The following TSPEAR variants were observed in gnomAD, a reference collection of about 807,000 sequenced individuals.
The protein encoded by TSPEAR is thrombospondin-type laminin G domain and EAR repeat-containing protein.
A neutral mutation model predicts 71.6 loss-of-function variants in TSPEAR; 69 were observed. The ratio of observed to expected loss-of-function variants is 0.96; its 90% confidence interval spans 0.79 to 1.18. The LOEUF is 1.18. TSPEAR is among the 50% of genes most tolerant of loss of function. The probability of loss-of-function intolerance (pLI) is 0.00; values close to 1 mark genes in which losing one functional copy is unlikely to be tolerated. For missense variants in TSPEAR, 971 were observed against 894.9 expected (o/e 1.09, Z -1.09); for synonymous variants, 402 against 387.2 (o/e 1.04, Z -0.45).
At position 44,612,294 on chromosome 21, in the gene TSPEAR, GC is replaced by G. The variant is rs1555931231; in HGVS notation, c.83-44290del. ...GCCTCCAGCTGCTGTACCCCTAGCT[GC>G]TGTGCCCCAGCCCCCTGCCTGGCCC... On this transcript the variant is annotated intron_variant, in intron 1 of 11. Transcript: ENST00000323084. This position sits in a 1 kb window ranked among gnomAD's most constrained non-coding sequence, Gnocchi z 4.1. The G allele has an allele frequency of 6.2e-7, 1 of 1,613,520 alleles. No homozygotes were observed. Among genetic ancestry groups the G allele is most frequent in the Non-Finnish European group, 8.5e-7 (1 of 1,179,992 alleles).
chr21:44,577,962 A>G (rs1051233695), intron 1 of TSPEAR, among the ~76,000 whole-genome samples: 10 of 152,144 alleles, frequency 6.6e-5, no homozygotes, highest in African/African-American at 2.4e-4. Context: ...TGTTCTCATG[A>G]TAGTAAGTAA....
chr21:44,531,919 C>T (rs117913707), intron 3 of TSPEAR, among the ~76,000 whole-genome samples: 50 of 152,348 alleles, frequency 3.3e-4, no homozygotes, highest in East Asian at 2.9e-3. Context: ...GGGGTGCCTT[C>T]GGGCTCGCCT....
At chr21:44,683,562 G>A (rs545714105) in intron 1 of TSPEAR, among the ~76,000 whole-genome samples, 33 of 152,206 alleles carry the variant, frequency 2.2e-4, no homozygotes, top group African/African-American at 7.5e-4. Context: ...CCAGCTACAC[G>A]GTAGGTTGAG....
intron 1 of TSPEAR, chr21:44,658,316 G>A (rs782163697): frequency 1.3e-6 from 2 of 1,572,592 alleles, no homozygotes; most frequent in Non-Finnish European, 1.7e-6. Flanking sequence ...ATCCCTCCGT[G>A]AATAAGCATC....
At chr21:44,638,086 G>T (rs138909294) in intron 1 of TSPEAR, 14 of 1,613,322 alleles carry the variant, frequency 8.7e-6, no homozygotes, top group African/African-American at 6.7e-5. Flanking sequence ...GCTGCCGCAC[G>T]GCCTCCTGTG....
intron 1 of TSPEAR, among the ~76,000 whole-genome samples, chr21:44,634,625 T>C (rs1197563180): frequency 6.6e-6 from 1 of 152,218 alleles, no homozygotes; most frequent in Non-Finnish European, 1.5e-5. Context: ...AGAACTCTTA[T>C]AATTCAACAA....
rs1978770874 is a variant in TSPEAR, at chr21:44,579,830, C to T, written c.83-11825G>A. 1.9e-6 allele frequency: 3 copies of T among 1,609,800 alleles called. No homozygotes were observed. The East Asian group carries it at 6.8e-5, about 36-fold the overall frequency. On this transcript the variant is annotated intron_variant, in intron 1 of 11. Coordinates refer to ENST00000323084, the MANE Select transcript of TSPEAR (RefSeq NM_144991.3). Reference sequence around the variant, plus strand: ...CACGCAGGAGGCCGGGCGGCAGCAGCTGGCCTGGTAGGAGGAGGCAGGGGC... The same window carrying T: ...CACGCAGGAGGCCGGGCGGCAGCAGTTGGCCTGGTAGGAGGAGGCAGGGGC...
At chr21:44,607,061 T>C in intron 1 of TSPEAR, among the ~76,000 whole-genome samples, 1 of 152,206 alleles carries the variant, frequency 6.6e-6, no homozygotes, top group East Asian at 1.9e-4. Flanking sequence ...ATGGTTATGT[T>C]AAGTAACTTG....
At chr21:44,656,836 CTT>C (rs1276774474) in intron 1 of TSPEAR, among the ~76,000 whole-genome samples, 10 of 152,132 alleles carry the variant, frequency 6.6e-5, no homozygotes, top group Non-Finnish European at 1.3e-4. Context: ...TCTCATATGT[CTT>C]TTCATTTTTC....
At chr21:44,532,834 C>T (rs1462200119) in intron 3 of TSPEAR, among the ~76,000 whole-genome samples, 1 of 152,198 alleles carries the variant, frequency 6.6e-6, no homozygotes, top group Non-Finnish European at 1.5e-5. Context: ...CTTCCAAAAG[C>T]CCCCATTGTG....
At chr21:44,699,856 C>T (rs377268948) in intron 1 of TSPEAR, among the ~76,000 whole-genome samples, 3 of 152,314 alleles carry the variant, frequency 2.0e-5, no homozygotes, top group East Asian at 3.9e-4. Flanking sequence ...GAGCTAGCGT[C>T]TTCCTCCAAA....
At position 44,533,665 on chromosome 21, in the gene TSPEAR, C is replaced by G. The variant is rs781976873; in HGVS notation, c.542+20G>C. On this transcript the variant is annotated intron_variant, in intron 3 of 11. Transcript: ENST00000323084. ...GGACTCTGAGGACTGCAGGTGCACC[C>G]TCCCCGGGTGGGTACCTACATGTCC... 2.5e-6 allele frequency: 4 copies of G among 1,590,574 alleles called. No individual in the cohort carries two copies. Among genetic ancestry groups the G allele is most frequent in the Non-Finnish European group, 3.4e-6 (4 of 1,165,816 alleles).
At chr21:44,531,173 T>C in intron 3 of TSPEAR, 40 bp from the exon 4 acceptor site, 1 of 1,535,620 alleles carries the variant, frequency 6.5e-7, no homozygotes, top group Non-Finnish European at 9.0e-7. Context: ...CATAGGAGAG[T>C]GGTCACCCCA....
intron 1 of TSPEAR, among the ~76,000 whole-genome samples, chr21:44,675,308 G>A (rs1419236081): frequency 1.3e-5 from 2 of 152,086 alleles, no homozygotes; most frequent in African/African-American, 4.8e-5. Flanking sequence ...CACATTAACA[G>A]AATGAAGGAC....
At chr21:44,600,146 A>C (rs1277433340) in intron 1 of TSPEAR, among the ~76,000 whole-genome samples, 1 of 152,120 alleles carries the variant, frequency 6.6e-6, no homozygotes, top group Non-Finnish European at 1.5e-5. Context: ...TTCCACCCTC[A>C]TGCCATCATT....
rs587685363 is a variant in TSPEAR, at chr21:44,546,219, T to C, written c.304-12296A>G. ...TAAACACACAAACTACCGACATGGC[T>C]ACCTTTCCTTCATATGGCTCCAGGT... On this transcript the variant is annotated intron_variant, in intron 2 of 11. Transcript: ENST00000323084. The surrounding 1 kb of genome is among the most constrained non-coding windows in gnomAD (Gnocchi z 4.4). Among the ~76,000 whole-genome samples the C allele has an allele frequency of 6.6e-6, 1 of 152,370 alleles. No individual in the cohort carries two copies. The highest frequency in any genetic ancestry group is 1.5e-5 in the Non-Finnish European group (1 of 68,034).
chr21:44,658,810 C>T (rs1274726903), intron 1 of TSPEAR, among the ~76,000 whole-genome samples: 1 of 152,008 alleles, frequency 6.6e-6, no homozygotes, highest in Non-Finnish European at 1.5e-5. Flanking sequence ...ATGCCTGGGA[C>T]CCGGGTATAA....
chr21:44,697,915 C>T (rs781998543), intron 1 of TSPEAR: 1 of 1,612,404 alleles, frequency 6.2e-7, no homozygotes. Flanking sequence ...TCTGCCGCCC[C>T]ACATGTTCCC....
intron 1 of TSPEAR, among the ~76,000 whole-genome samples, chr21:44,649,061 G>T (rs1984612870): frequency 6.6e-6 from 1 of 152,234 alleles, no homozygotes; most frequent in Non-Finnish European, 1.5e-5. Context: ...GGCAGCTGCT[G>T]CCTGCAAAGG....
Sources: allele counts gnomAD v4.1 joint callset (sites outside exome capture counted in the v4.1 genomes callset), GRCh38; gene constraint gnomAD v4.1.1; non-coding constraint Gnocchi (gnomAD v3.1); transcripts MANE v1.5; gene names NCBI Gene and HGNC (gene_info 2026-07-23, HGNC 2026-07-21).